The following NSD1 variants were observed in gnomAD, a reference collection of about 807,000 sequenced individuals.
The protein encoded by NSD1 is nuclear receptor binding SET domain protein 1, also known as histone-lysine N-methyltransferase, H3 lysine-36 specific.
A neutral mutation model predicts 242.7 loss-of-function variants in NSD1; 26 were observed. The observed-to-expected ratio is 0.11, with a 90% CI of 0.08 to 0.15. The LOEUF (loss-of-function observed/expected upper bound fraction) is 0.15. NSD1 is among the 10% of genes least tolerant of loss of function. NSD1 has a pLI of 1.00. For missense variants in NSD1, 2,495 were observed against 3,272.8 expected (o/e 0.76, Z 5.80); for synonymous variants, 1,106 against 1,178.1 (o/e 0.94, Z 1.25).
chr5:177,276,219 C>T (rs981686732), intron 17 of NSD1, among the ~76,000 whole-genome samples: 3 of 152,086 alleles, frequency 2.0e-5, no homozygotes, highest in Non-Finnish European at 4.4e-5. Flanking sequence ...GCGTGAGCTA[C>T]GACACTTGGC....
At chr5:177,212,572 C>T (rs575543242) in intron 5 of NSD1, among the ~76,000 whole-genome samples, 53 of 149,320 alleles carry the variant, frequency 3.5e-4, no homozygotes, top group Non-Finnish European at 5.9e-4. Flanking sequence ...CCTGAGTTCA[C>T]GCCATCTGCC....
In NSD1 at chr5:177,168,737, T is replaced by C. The variant is rs533271292; in HGVS notation, c.928-23147T>C. On this transcript the variant is annotated intron_variant, in intron 2 of 22. Coordinates refer to ENST00000439151, the MANE Select transcript of NSD1 (RefSeq NM_022455.5). ...TGGCCTCCCAAAGTGCTGGGATTGCTGGCATGAGCCACCATGCCCGACCAG... is the reference window on the plus strand; with the variant it reads ...TGGCCTCCCAAAGTGCTGGGATTGCCGGCATGAGCCACCATGCCCGACCAG... 1.3e-4 allele frequency among the ~76,000 whole-genome samples: 20 copies of C among 152,252 alleles called. No individual in the cohort carries two copies. The East Asian group carries it at 3.5e-3, about 26-fold the overall frequency.
intron 9 of NSD1, 133 bp from the exon 10 acceptor site, chr5:177,246,545 C>T: frequency 2.8e-6 from 2 of 705,996 alleles, no homozygotes; most frequent in Admixed American, 2.1e-5. Flanking sequence ...ATTATTATTT[C>T]CCCCGTTTTC....
intron 5 of NSD1, among the ~76,000 whole-genome samples, chr5:177,216,676 T>TG (rs1303183957): frequency 6.6e-6 from 1 of 151,292 alleles, no homozygotes; most frequent in African/African-American, 2.4e-5. Flanking sequence ...CTCTGTTTTT[T>TG]TTTTTTTTTT....
At chr5:177,234,008 G>A (rs903293783) in intron 5 of NSD1, among the ~76,000 whole-genome samples, 3 of 152,158 alleles carry the variant, frequency 2.0e-5, no homozygotes, top group African/African-American at 7.2e-5. Flanking sequence ...GTCAGTGTCT[G>A]GAACACAGTG....
chr5:177,188,919 G>A (rs910035635), intron 2 of NSD1, among the ~76,000 whole-genome samples: 7 of 151,984 alleles, frequency 4.6e-5, no homozygotes, highest in African/African-American at 1.7e-4. Flanking sequence ...AATTTTCCAG[G>A]CATGTTGGTG....
intron 21 of NSD1, among the ~76,000 whole-genome samples, chr5:177,289,919 C>T (rs1180633088): frequency 2.0e-5 from 3 of 151,378 alleles, no homozygotes; most frequent in Non-Finnish European, 2.9e-5. Flanking sequence ...GCTCCGTCTC[C>T]CGGGTTCACG....
rs1310175009 is a variant in NSD1 at position 177,235,891 on chromosome 5, T to G, written c.3867T>G (p.Asp1289Glu). 6.2e-7 allele frequency: 1 copy of G among 1,613,790 alleles called. No individual in the cohort carries two copies. The highest frequency in any genetic ancestry group is 8.5e-7 in the Non-Finnish European group (1 of 1,179,900). Residue 1289 changes from aspartate to glutamate, a missense_variant, in exon 6 of 23, where the codon GAT (aspartate) becomes GAG (glutamate). Transcript: ENST00000439151. ...TTTTGGAATATACAGAAGAATATGA[T>G]CAGATATTTGCTCCTAAGAAAAAAC... ...KWLLEYTEEY[D>E]QIFAPKKKQK...
chr5:177,209,586 C>A, intron 4 of NSD1, 50 bp from the exon 5 acceptor site: 2 of 1,390,094 alleles, frequency 1.4e-6, no homozygotes, highest in East Asian at 2.3e-5. Flanking sequence ...CCCTTTTCCC[C>A]CACCCATTTC....
At chr5:177,289,594 C>G (rs1759615609) in intron 21 of NSD1, among the ~76,000 whole-genome samples, 2 of 152,192 alleles carry the variant, frequency 1.3e-5, no homozygotes, top group South Asian at 4.1e-4. Context: ...CCCTGTCTTT[C>G]TCTCACTTTC....
chr5:177,297,329 G>A lies in NSD1; in HGVS notation c.*1870G>A, dbSNP rs566513882. On this transcript the variant is annotated 3_prime_UTR_variant, in exon 23 of 23. Coordinates refer to ENST00000439151, the MANE Select transcript of NSD1 (RefSeq NM_022455.5). ...TCTTTGTTCAAAAGGAAGAGAAAAC[G>A]TAAAGCATCTTATTTTCTTTTAAAA... 1.7e-5 allele frequency: 4 copies of A among 230,248 alleles called. No homozygotes were observed. The highest frequency in any genetic ancestry group is 1.1e-4 in the Admixed American group (2 of 17,662). 14.3% of individuals were successfully genotyped at this position (230,248 alleles called of 1,614,324 possible). A position where few individuals can be genotyped will look rare whatever the true frequency, so the allele number is the denominator to read the frequency against.
chr5:177,226,757 C>G (rs1247508720), intron 5 of NSD1, among the ~76,000 whole-genome samples: 1 of 151,960 alleles, frequency 6.6e-6, no homozygotes, highest in Non-Finnish European at 1.5e-5. Flanking sequence ...TTTTTAACAT[C>G]CAGTCTAACC....
Position 177,279,644 on chromosome 5 carries a change from G to A in NSD1, c.5623-921G>A, listed in dbSNP as rs563682962. On this transcript the variant is annotated intron_variant, in intron 17 of 22. Coordinates refer to ENST00000439151, the MANE Select transcript of NSD1 (RefSeq NM_022455.5). ...TTTTTTTTTTTTTTTTTTTTGAGAC[G>A]GAGTCTCGCCCTGTCACCCAGGCTG... 5.0e-3 allele frequency among the ~76,000 whole-genome samples: 451 copies of A among 89,490 alleles called. 3 individuals carry two copies. Among genetic ancestry groups the A allele is most frequent in the African/African-American group, 0.022 (427 of 19,250 alleles). The allele number at this position is 89,490 out of a possible 152,430, so 58.7% of individuals were successfully genotyped here. A position where few individuals can be genotyped will look rare whatever the true frequency, so the allele number is the denominator to read the frequency against.
rs149392308 is a variant in NSD1 at position 177,138,208 on chromosome 5, G to A, written c.927+2178G>A. On this transcript the variant is annotated intron_variant, in intron 2 of 22. Transcript: ENST00000439151. ...TAAATGTAGAAGTTTTTTTTTCAGG[G>A]AGAAATTGAAATTGCTCAAAGACTT... Among the ~76,000 whole-genome samples the A allele has an allele frequency of 7.2e-5, 11 of 151,870 alleles. No individual in the cohort carries two copies. In the East Asian group the frequency reaches 1.9e-3, roughly 27 times the overall value.
At chr5:177,159,054 A>ATATATATAT (rs1562132770) in intron 2 of NSD1, among the ~76,000 whole-genome samples, 3 of 130,854 alleles carry the variant, frequency 2.3e-5, no homozygotes, top group African/African-American at 1.1e-4. Flanking sequence ...TATATGAATG[A>ATATATATAT]ATGAATGAGA....
chr5:177,285,563 C>CAAAAAAAAA, intron 20 of NSD1, among the ~76,000 whole-genome samples: 1 of 81,912 alleles, frequency 1.2e-5, no homozygotes, highest in African/African-American at 4.9e-5. Context: ...GATTCCATCT[C>CAAAAAAAAA]AAAAAAAAAA....
intron 2 of NSD1, among the ~76,000 whole-genome samples, chr5:177,143,784 T>A (rs952407970): frequency 2.2e-5 from 1 of 45,526 alleles, no homozygotes; most frequent in Non-Finnish European, 4.1e-5. Context: ...ACAAGATAAC[T>A]TTTTTTTTTT....
chr5:177,194,579 C>CTTT (rs1200627969), intron 3 of NSD1, among the ~76,000 whole-genome samples: 9 of 88,554 alleles, frequency 1.0e-4, no homozygotes, highest in Non-Finnish European at 2.0e-4. Context: ...CACCATGCCT[C>CTTT]TTTTTTTTTT....
intron 14 of NSD1, chr5:177,265,424 A>G (rs1757341182): frequency 1.7e-6 from 1 of 605,136 alleles, no homozygotes; most frequent in African/African-American, 1.8e-5. Context: ...TATGAAAAAC[A>G]GTCATGATGT....
Sources: gnomAD v4.1 joint callset for allele counts (sites outside exome capture counted in the v4.1 genomes callset) on GRCh38, gnomAD v4.1.1 for gene constraint, MANE v1.5 for transcripts, NCBI Gene and HGNC (gene_info 2026-07-23, HGNC 2026-07-21) for gene names.